The following SORCS1 variants were observed in gnomAD, a reference collection of about 807,000 sequenced individuals.
SORCS1 encodes VPS10 domain-containing receptor SorCS1.
A neutral mutation model predicts 146.1 loss-of-function variants in SORCS1; 60 were observed. The observed-to-expected ratio is 0.41, with a 90% CI of 0.33 to 0.51. SORCS1 has a LOEUF of 0.51. SORCS1 is among the 20% of genes least tolerant of loss of function. The pLI, the probability that SORCS1 is intolerant of heterozygous loss-of-function variation, is 0.21. For missense variants in SORCS1, 1,352 were observed against 1,487.6 expected, an observed-to-expected ratio of 0.91 and a Z score of 1.50; for synonymous variants, 637 against 584.0, an observed-to-expected ratio of 1.09 and a Z score of -1.31.
At chr10:107,019,871 G>C (rs1958057910) in intron 1 of SORCS1, among the ~76,000 whole-genome samples, 1 of 152,214 alleles carries the variant, frequency 6.6e-6, no homozygotes, top group African/African-American at 2.4e-5. Context: ...CTGTTGGATA[G>C]ACAAGGAAAG....
In SORCS1 at chr10:106,924,208, C is replaced by T. The variant is rs547536821; in HGVS notation, c.626+32305G>A. ...GGTGGAGGTTGCAGTGAGCCGAAAT[C>T]GTGCCACTGTATTCCAGCCTGGACA... On this transcript the variant is annotated intron_variant, in intron 2 of 25. Transcript: ENST00000263054. Among the ~76,000 whole-genome samples, 12 of 149,722 alleles carry T rather than the reference C, an allele frequency of 8.0e-5. No homozygotes were observed. In the South Asian group the frequency reaches 1.7e-3, roughly 21 times the overall value.
intron 18 of SORCS1, among the ~76,000 whole-genome samples, chr10:106,645,170 A>AT (rs3044909): frequency 2.2e-4 from 23 of 106,812 alleles, no homozygotes; most frequent in African/African-American, 6.5e-4. Context: ...GTGTCTTATT[A>AT]TTTTTTTTTT....
At chr10:106,806,307 G>T (rs1947168881) in intron 3 of SORCS1, among the ~76,000 whole-genome samples, 1 of 150,982 alleles carries the variant, frequency 6.6e-6, no homozygotes, top group Non-Finnish European at 1.5e-5. Flanking sequence ...GGCAGAGGTT[G>T]CAGTGAGCCG....
chr10:107,138,709 A>G (rs551046231), intron 1 of SORCS1, among the ~76,000 whole-genome samples: 1 of 152,198 alleles, frequency 6.6e-6, no homozygotes, highest in Admixed American at 6.5e-5. Flanking sequence ...TCATGTGTAG[A>G]GTACATCTTA....
chr10:106,599,735 C>T (rs886141870), intron 23 of SORCS1, among the ~76,000 whole-genome samples: 6 of 151,902 alleles, frequency 3.9e-5, no homozygotes, highest in Admixed American at 6.6e-5. Context: ...CCACTTTCAA[C>T]CAGGTGAAGC....
chr10:106,711,847 T>C (rs1036193186), intron 6 of SORCS1, among the ~76,000 whole-genome samples: 6 of 152,194 alleles, frequency 3.9e-5, no homozygotes, highest in Non-Finnish European at 7.3e-5. Flanking sequence ...ACAAAATCTT[T>C]ACCTCACAAT....
chr10:107,158,045 A>T (rs1969424924), intron 1 of SORCS1, among the ~76,000 whole-genome samples: 1 of 152,238 alleles, frequency 6.6e-6, no homozygotes, highest in African/African-American at 2.4e-5. Context: ...AAATTAATTT[A>T]TCCTCAAGGC....
intron 3 of SORCS1, among the ~76,000 whole-genome samples, chr10:106,811,443 G>C (rs1157351247): frequency 6.6e-6 from 1 of 152,184 alleles, no homozygotes; most frequent in Non-Finnish European, 1.5e-5. Context: ...CAGAACTGCA[G>C]GGAGATGGAA....
chr10:106,718,698 G>A (rs953340312), intron 6 of SORCS1, among the ~76,000 whole-genome samples: 1 of 152,210 alleles, frequency 6.6e-6, no homozygotes, highest in Non-Finnish European at 1.5e-5. Flanking sequence ...ACGTCCTGCT[G>A]ATTGGTCCAT....
At chr10:106,780,094 G>T (rs1288244648) in intron 3 of SORCS1, among the ~76,000 whole-genome samples, 1 of 151,982 alleles carries the variant, frequency 6.6e-6, no homozygotes, top group Non-Finnish European at 1.5e-5. Context: ...AAATAAAAAA[G>T]CCTTAACATA....
At chr10:106,716,633 C>T (rs899992191) in intron 6 of SORCS1, among the ~76,000 whole-genome samples, 1 of 152,188 alleles carries the variant, frequency 6.6e-6, no homozygotes, top group Non-Finnish European at 1.5e-5. Context: ...CTTGAACAGC[C>T]TTTTCCTTTC....
intron 2 of SORCS1, among the ~76,000 whole-genome samples, chr10:106,887,680 T>G (rs910952039): frequency 2.0e-5 from 3 of 151,870 alleles, no homozygotes; most frequent in African/African-American, 7.3e-5. Context: ...AGACAAATAA[T>G]TAGCTTAAAA....
At chr10:106,639,733 T>C (rs540830874) in intron 18 of SORCS1, among the ~76,000 whole-genome samples, 2 of 152,260 alleles carry the variant, frequency 1.3e-5, no homozygotes, top group African/African-American at 4.8e-5. Flanking sequence ...CTCCTTTGTA[T>C]GGAGGGAGAA....
At position 107,034,680 on chromosome 10, in the gene SORCS1, C is replaced by CAAAAAAAAA. The variant is rs553032484; in HGVS notation, c.559-78109_559-78101dup. Among the ~76,000 whole-genome samples, 10 of 13,792 alleles carry CAAAAAAAAA rather than the reference C, an allele frequency of 7.3e-4. 1 individual carries two copies. The highest frequency in any genetic ancestry group is 1.9e-3 in the African/African-American group (7 of 3,716). The allele number at this position is 13,792 out of a possible 152,430, so 9.0% of individuals were successfully genotyped here. A position where few individuals can be genotyped will look rare whatever the true frequency, so the allele number is the denominator to read the frequency against. Reference sequence around the variant, plus strand: ...GGGAAACATGAGCGAAACTCCATCTCAAAAAAAAAAAAAAAAAAAAAAAAA... The same window carrying CAAAAAAAAA: ...GGGAAACATGAGCGAAACTCCATCTCAAAAAAAAAAAAAAAAAAAAAAAAAAAAAAAAAA... On this transcript the variant is annotated intron_variant, in intron 1 of 25. Coordinates refer to ENST00000263054, the MANE Select transcript of SORCS1 (RefSeq NM_052918.5).
In SORCS1 at chr10:106,936,093, C is replaced by G. The variant is rs540778298; in HGVS notation, c.626+20420G>C. Among the ~76,000 whole-genome samples, 6 of 152,282 alleles carry G rather than the reference C, an allele frequency of 3.9e-5. No individual in the cohort carries two copies. The South Asian group carries it at 1.2e-3, about 32-fold the overall frequency. On this transcript the variant is annotated intron_variant, in intron 2 of 25. Transcript: ENST00000263054. ...GATCTTTGCAGTATGGTGCAGGAAG[C>G]TATCTATTCTTAAATACTGACTAAT...
chr10:106,942,665 C>T (rs570461967), intron 2 of SORCS1, among the ~76,000 whole-genome samples: 1 of 152,282 alleles, frequency 6.6e-6, no homozygotes, highest in East Asian at 1.9e-4. Context: ...GAGTCCCTAT[C>T]CTGGCATCCT....
At chr10:106,749,774 T>C (rs1858011463) in intron 5 of SORCS1, among the ~76,000 whole-genome samples, 2 of 152,238 alleles carry the variant, frequency 1.3e-5, no homozygotes, top group South Asian at 4.1e-4. Context: ...GCAGTTAACA[T>C]TTACTCATCA....
chr10:107,073,717 A>G (rs1358745033), intron 1 of SORCS1, among the ~76,000 whole-genome samples: 1 of 152,084 alleles, frequency 6.6e-6, no homozygotes, highest in Admixed American at 6.6e-5. Flanking sequence ...AAGTACTCTG[A>G]CCCCCAATCC....
intron 1 of SORCS1, among the ~76,000 whole-genome samples, chr10:106,988,150 C>T (rs763484900): frequency 1.3e-4 from 20 of 152,156 alleles, no homozygotes; most frequent in Non-Finnish European, 2.2e-4. Flanking sequence ...GAAAGGCAGA[C>T]GTTGATCGCT....
Sources: allele counts gnomAD v4.1 joint callset (sites outside exome capture counted in the v4.1 genomes callset), GRCh38; gene constraint gnomAD v4.1.1; transcripts MANE v1.5; gene names NCBI Gene and HGNC (gene_info 2026-07-23, HGNC 2026-07-21).